CDH8: variants seen among roughly 807,000 people sequenced by gnomAD.
The protein encoded by CDH8 is cadherin 8.
A neutral mutation model predicts 68.1 loss-of-function variants in CDH8; 17 were observed. That is an observed-to-expected ratio of 0.25 (90% CI 0.17 to 0.37). The LOEUF (loss-of-function observed/expected upper bound fraction) is 0.37, where lower values mean the gene tolerates loss of function less well. CDH8 is among the 10% of genes least tolerant of loss of function. The pLI is 1.00. For missense variants in CDH8, 763 were observed against 999.3 expected (o/e 0.76, Z 3.19); for synonymous variants, 372 against 365.1 (o/e 1.02, Z -0.21).
intron 9 of CDH8, among the ~76,000 whole-genome samples, chr16:61,718,656 G>C (rs1360926624): frequency 6.6e-6 from 1 of 151,134 alleles, no homozygotes; most frequent in Non-Finnish European, 1.5e-5. Context: ...CTATCTCTTG[G>C]AGTAGTTTTC....
At chr16:61,737,340 G>A (rs538443492) in intron 8 of CDH8, among the ~76,000 whole-genome samples, 1 of 152,226 alleles carries the variant, frequency 6.6e-6, no homozygotes, top group African/African-American at 2.4e-5. Context: ...GAAGCTATGA[G>A]CACTAAATTA....
chr16:61,893,255 T>C (rs945097669), intron 3 of CDH8, among the ~76,000 whole-genome samples: 22 of 152,156 alleles, frequency 1.4e-4, no homozygotes, highest in South Asian at 2.1e-4. Context: ...ACACCGATCA[T>C]TGGACTTAGG....
intron 9 of CDH8, among the ~76,000 whole-genome samples, chr16:61,724,149 G>A (rs958759586): frequency 1.5e-4 from 23 of 150,752 alleles, no homozygotes; most frequent in African/African-American, 2.2e-4. Flanking sequence ...ACACTTTTGA[G>A]AATACAAATT....
At chr16:61,758,589 C>T (rs1477232747) in intron 8 of CDH8, among the ~76,000 whole-genome samples, 2 of 152,064 alleles carry the variant, frequency 1.3e-5, no homozygotes, top group Admixed American at 6.6e-5. Context: ...CATGCCACCA[C>T]GCCTGGCTTA....
intron 2 of CDH8, among the ~76,000 whole-genome samples, chr16:61,960,410 T>TACACATACATATATAC: frequency 7.6e-6 from 1 of 131,036 alleles, no homozygotes. Flanking sequence ...TATATACATA[T>TACACATACATATATAC]ATGTGTGTGT....
intron 10 of CDH8, among the ~76,000 whole-genome samples, chr16:61,671,337 C>A (rs1963789772): frequency 6.6e-6 from 1 of 151,848 alleles, no homozygotes; most frequent in South Asian, 2.1e-4. Flanking sequence ...TGGCTTGGAT[C>A]AAGCCGTCAG....
intron 2 of CDH8, among the ~76,000 whole-genome samples, chr16:61,987,179 A>G (rs1053397730): frequency 3.3e-5 from 5 of 152,198 alleles, no homozygotes; most frequent in African/African-American, 1.2e-4. Context: ...ACTGTGGATC[A>G]TACAATTTGG....
intron 6 of CDH8, 83 bp downstream of exon 6, chr16:61,820,843 G>A (rs1460984666): frequency 6.8e-6 from 8 of 1,177,464 alleles, no homozygotes; most frequent in Non-Finnish European, 9.8e-6. Flanking sequence ...AATTCTGCCA[G>A]GAACTCCACA....
chr16:61,660,469 T>TAAC (rs1317820448), intron 10 of CDH8, among the ~76,000 whole-genome samples: 3 of 151,754 alleles, frequency 2.0e-5, no homozygotes, highest in Admixed American at 2.0e-4. Flanking sequence ...AAAAAATGTA[T>TAAC]AACACCATTA....
chr16:61,690,667 C>A (rs1281497306), intron 10 of CDH8, among the ~76,000 whole-genome samples: 1 of 151,742 alleles, frequency 6.6e-6, no homozygotes, highest in African/African-American at 2.4e-5. Context: ...TGTTTATTTT[C>A]TTTTTCCTGT....
chr16:61,825,081 G>A lies in CDH8; in HGVS notation c.766C>T (p.Leu256=), dbSNP rs1962299548. 1 of 1,611,940 alleles carries A rather than the reference G, an allele frequency of 6.2e-7. No homozygotes were observed. ...AKDMGGHSGG[L]SGTTTLTVTL... is the part of the protein sequence containing the mutation. ...ACTGTAAGTGTCGTGGTCCCAGACA[G>A]GCCACCAGAGTGTCCACCCATATCT... is the stretch of plus-strand genomic sequence containing the variant. Residue 256 remains leucine, a synonymous_variant, in exon 5 of 12, where the codon CTG becomes TTG. Coordinates refer to ENST00000577390, the MANE Select transcript of CDH8 (RefSeq NM_001796.5).
chr16:61,890,805 T>C (rs921802503), intron 3 of CDH8, among the ~76,000 whole-genome samples: 31 of 152,136 alleles, frequency 2.0e-4, no homozygotes, highest in African/African-American at 7.5e-4. Flanking sequence ...TGAGAATTCA[T>C]CTTCTAGAAA....
At chr16:61,948,053 C>G (rs1457690951) in intron 2 of CDH8, among the ~76,000 whole-genome samples, 1 of 152,116 alleles carries the variant, frequency 6.6e-6, no homozygotes, top group Non-Finnish European at 1.5e-5. Context: ...ACATTTGATA[C>G]TGGCACAATA....
intron 8 of CDH8, among the ~76,000 whole-genome samples, chr16:61,730,497 T>C (rs1959505281): frequency 6.6e-6 from 1 of 151,562 alleles, no homozygotes; most frequent in South Asian, 2.1e-4. Context: ...AATTATTATT[T>C]TCTTCTTTAG....
chr16:61,982,270 A>G (rs948298497), intron 2 of CDH8, among the ~76,000 whole-genome samples: 2 of 151,814 alleles, frequency 1.3e-5, no homozygotes, highest in Non-Finnish European at 2.9e-5. Flanking sequence ...CCCAGGCTGG[A>G]GTGCAGTGGC....
chr16:61,871,248 A>G (rs1315247566), intron 3 of CDH8, among the ~76,000 whole-genome samples: 2 of 151,902 alleles, frequency 1.3e-5, no homozygotes, highest in Non-Finnish European at 2.9e-5. Context: ...TGGTACCATA[A>G]CAACTCACTG....
intron 2 of CDH8, among the ~76,000 whole-genome samples, chr16:62,007,352 T>C (rs535505055): frequency 5.3e-5 from 8 of 152,338 alleles, no homozygotes; most frequent in African/African-American, 1.4e-4. Context: ...AAAGACTAAT[T>C]ATTAAATTAT....
At chr16:62,021,019 A>G in intron 2 of CDH8, 133 bp downstream of exon 2, 1 of 769,854 alleles carries the variant, frequency 1.3e-6, no homozygotes, top group Non-Finnish European at 2.1e-6. Flanking sequence ...TAACAGAACG[A>G]CAGGTAAACT....
intron 8 of CDH8, among the ~76,000 whole-genome samples, chr16:61,747,929 G>T (rs1423482946): frequency 6.6e-6 from 1 of 151,950 alleles, no homozygotes; most frequent in Admixed American, 6.6e-5. Flanking sequence ...CAGTTATTTG[G>T]CTAAAAAATA....
Sources: gnomAD v4.1 joint callset for allele counts (sites outside exome capture counted in the v4.1 genomes callset) on GRCh38, gnomAD v4.1.1 for gene constraint, MANE v1.5 for transcripts, NCBI Gene and HGNC (gene_info 2026-07-23, HGNC 2026-07-21) for gene names.